Variants in INSL6 observed in about 807,000 individuals in gnomAD.
The protein encoded by INSL6 is insulin like 6.
In INSL6, 16 loss-of-function variants were observed where a neutral mutation model predicts 9.4. The observed-to-expected ratio is 1.70, with a 90% confidence interval of 1.15 to 2.59. The LOEUF (loss-of-function observed/expected upper bound fraction) is 2.59, where lower values mean the gene tolerates loss of function less well. INSL6 is among the 30% of genes most tolerant of loss of function. INSL6 has a pLI of 0.00. For missense variants in INSL6, 391 were observed against 257.3 expected (o/e 1.52, Z -3.56); for synonymous variants, 154 against 96.9 (o/e 1.59, Z -3.46).
At chr9:5,045,411 A>C in the INSL6 span, among the ~76,000 whole-genome samples, 4 of 152,196 alleles carry the variant, frequency 2.6e-5, 1 homozygote. Context: ...TATTGTGGTA[A>C]GAGATATATA....
chr9:5,063,609 TTA>T, the INSL6 span, among the ~76,000 whole-genome samples: 1 of 152,172 alleles, frequency 6.6e-6, no homozygotes, highest in Non-Finnish European at 1.5e-5. Context: ...GAAAATTAAT[TTA>T]GAGAGGATTT....
At chr9:5,151,818 T>C (rs549198633) in intron 2 of INSL6, among the ~76,000 whole-genome samples, 2 of 152,150 alleles carry the variant, frequency 1.3e-5, no homozygotes, top group South Asian at 4.1e-4. Context: ...AATAAAATAT[T>C]AAACACTCCA....
At chr9:5,062,689 A>T in the INSL6 span, among the ~76,000 whole-genome samples, 1 of 152,040 alleles carries the variant, frequency 6.6e-6, no homozygotes, top group Non-Finnish European at 1.5e-5. Context: ...GGTGTTTCCA[A>T]TGTATCTGTA....
the INSL6 span, among the ~76,000 whole-genome samples, chr9:5,015,596 A>G: frequency 6.6e-6 from 1 of 150,506 alleles, no homozygotes; most frequent in African/African-American, 2.4e-5. Context: ...GTGCAGTGGC[A>G]TGAGCACAAT....
At chr9:5,040,386 A>C in the INSL6 span, among the ~76,000 whole-genome samples, 1 of 152,224 alleles carries the variant, frequency 6.6e-6, no homozygotes, top group African/African-American at 2.4e-5. Context: ...TTGTGTACTT[A>C]GATTAGGCAG....
chr9:5,054,757 T>A, the INSL6 span: 1 of 1,613,258 alleles, frequency 6.2e-7, no homozygotes, highest in Non-Finnish European at 8.5e-7. The surrounding 1 kb of genome is among the most constrained non-coding windows in gnomAD (Gnocchi z 4.9). Context: ...ACAGAGAAAT[T>A]TGAAGTAAAA....
chr9:5,030,804 G>C, the INSL6 span, among the ~76,000 whole-genome samples: 5 of 151,890 alleles, frequency 3.3e-5, no homozygotes, highest in Non-Finnish European at 5.9e-5. Flanking sequence ...AGTTGGATGT[G>C]TTTGCATTTA....
chr9:5,161,928 TAAA>T (rs1318554249), downstream of INSL6, among the ~76,000 whole-genome samples: 1 of 151,410 alleles, frequency 6.6e-6, no homozygotes, highest in Admixed American at 6.6e-5. Context: ...AAAAAAAATA[TAAA>T]AAATTAGCCA....
chr9:5,181,465 T>G (rs1295267820), intron 1 of INSL6, among the ~76,000 whole-genome samples: 3 of 152,006 alleles, frequency 2.0e-5, no homozygotes. Context: ...AAAAAAGACT[T>G]ACTGAGAAAG....
At chr9:5,181,629 G>T (rs1007095481) in intron 1 of INSL6, among the ~76,000 whole-genome samples, 3 of 152,144 alleles carry the variant, frequency 2.0e-5, no homozygotes, top group Non-Finnish European at 4.4e-5. Context: ...TAAAAGTTAA[G>T]GCTTTCTGTC....
At chr9:5,114,031 C>A in the INSL6 span, 1 of 317,754 alleles carries the variant, frequency 3.1e-6, no homozygotes. Context: ...ATCGCCTCTC[C>A]CATACTGGAG....
At chr9:5,102,848 A>G in the INSL6 span, among the ~76,000 whole-genome samples, 1 of 152,190 alleles carries the variant, frequency 6.6e-6, no homozygotes, top group Non-Finnish European at 1.5e-5. Flanking sequence ...AAATGCTGAG[A>G]GATTTTGTCA....
At chr9:5,175,184 C>T (rs1168666407) in intron 1 of INSL6, among the ~76,000 whole-genome samples, 1 of 152,136 alleles carries the variant, frequency 6.6e-6, no homozygotes, top group African/African-American at 2.4e-5. Flanking sequence ...TCATGATCCA[C>T]CTGCCTCGGC....
the INSL6 span, among the ~76,000 whole-genome samples, chr9:5,088,435 GATTA>G: frequency 6.6e-6 from 1 of 152,018 alleles, no homozygotes; most frequent in Non-Finnish European, 1.5e-5. Flanking sequence ...ACACTAATTT[GATTA>G]ATATCAAAAA....
At chr9:5,122,530 C>A (rs780832561), downstream of INSL6, among the ~76,000 whole-genome samples, 1 of 152,014 alleles carries the variant, frequency 6.6e-6, no homozygotes, top group Admixed American at 6.6e-5. Flanking sequence ...TCTACAGAGA[C>A]AAAAATAAAT....
At chr9:5,112,769 G>T in the INSL6 span, 1 of 601,278 alleles carries the variant, frequency 1.7e-6, no homozygotes, top group South Asian at 4.7e-5. Flanking sequence ...GGTGTCGCGC[G>T]TGTTCGGAGG....
chr9:5,147,611 T>C (rs1273020270), intron 2 of INSL6, among the ~76,000 whole-genome samples: 1 of 152,248 alleles, frequency 6.6e-6, no homozygotes, highest in Admixed American at 6.5e-5. Flanking sequence ...ATCTCTCTAA[T>C]GAGACTGGGG....
chr9:5,171,663 G>A (rs931660228), intron 1 of INSL6, among the ~76,000 whole-genome samples: 4 of 152,124 alleles, frequency 2.6e-5, no homozygotes, highest in Non-Finnish European at 2.9e-5. Flanking sequence ...CAAAATCAAC[G>A]TGCAAAGGTC....
In INSL6 at chr9:5,126,321, GGTTT is replaced by G. The variant is rs755963730; in HGVS notation, c.*11-1814_*11-1811del. 6.5e-6 allele frequency: 10 copies of G among 1,545,164 alleles called. No individual in the cohort carries two copies. Among genetic ancestry groups the G allele is most frequent in the Middle Eastern group, 1.7e-4 (1 of 5,882 alleles). On this transcript the variant is annotated intron_variant, in intron 3 of 3. Transcript: ENST00000649639. ...AAATGTACAAAAAATATTGAAAGTGGGTTTGTTTTAGGAATTTATGCGTATGATT... is the reference window on the plus strand; with the variant it reads ...AAATGTACAAAAAATATTGAAAGTGGGTTTTAGGAATTTATGCGTATGATT...
Sources: gnomAD v4.1 joint callset for allele counts (sites outside exome capture counted in the v4.1 genomes callset) on GRCh38, gnomAD v4.1.1 for gene constraint, Gnocchi (gnomAD v3.1) non-coding constraint, MANE v1.5 for transcripts, NCBI Gene and HGNC (gene_info 2026-07-23, HGNC 2026-07-21) for gene names.